EGFL7: variants seen among roughly 807,000 people sequenced by gnomAD.
EGFL7 encodes the protein EGF like domain multiple 7, also known as epidermal growth factor-like protein 7.
Under a neutral mutation model 37.1 loss-of-function variants are expected in EGFL7, and 48 were observed. That is an observed-to-expected ratio of 1.29 (90% confidence interval 1.03 to 1.65). The LOEUF (loss-of-function observed/expected upper bound fraction) is 1.65, where lower values mean the gene tolerates loss of function less well. EGFL7 is among the 40% of genes most tolerant of loss of function. EGFL7 has a pLI of 0.00. For synonymous variants in EGFL7, 180 were observed against 156.8 expected (o/e 1.15, Z -1.10); for missense variants, 384 against 378.9 (o/e 1.01, Z -0.11).
chr9:136,672,146 G>T, intron 10 of EGFL7, 58 bp downstream of exon 10: 1 of 1,575,330 alleles, frequency 6.3e-7, no homozygotes, highest in South Asian at 1.1e-5. Context: ...TGGGCCTAGA[G>T]GGGCTACCCA....
intron 9 of EGFL7, among the ~76,000 whole-genome samples, chr9:136,671,567 GC>G (rs1010704256): frequency 3.3e-5 from 5 of 151,342 alleles, no homozygotes; most frequent in East Asian, 3.9e-4. Flanking sequence ...AAGCTTGACA[GC>G]CCCCCAGACA....
intron 6 of EGFL7, 24 bp from the exon 7 acceptor site, chr9:136,669,890 G>T: frequency 6.4e-7 from 1 of 1,558,700 alleles, no homozygotes; most frequent in Non-Finnish European, 8.7e-7. Context: ...AACTGAGCTG[G>T]TGACCAGCCT....
rs1039385169 is a variant in EGFL7, at chr9:136,670,855, C to G, written c.572-95C>G. 2.6e-5 allele frequency: 32 copies of G among 1,234,962 alleles called. No individual in the cohort carries two copies. In the African/African-American group the frequency reaches 4.8e-4, roughly 19 times the overall value. 76.5% of individuals were successfully genotyped at this position (1,234,962 alleles called of 1,614,324 possible). A position where few individuals can be genotyped will look rare whatever the true frequency, so the allele number is the denominator to read the frequency against. On this transcript the variant is annotated intron_variant, in intron 8 of 10. Transcript: ENST00000308874. ...GGGCGGCAGAGGCCTGGGCCTGAGTCTTCTGGCTCTGCCTCTCCCTGGGGA... is the reference window on the plus strand; with the variant it reads ...GGGCGGCAGAGGCCTGGGCCTGAGTGTTCTGGCTCTGCCTCTCCCTGGGGA...
chr9:136,668,763 C>T, intron 5 of EGFL7, 90 bp downstream of exon 5: 1 of 1,172,286 alleles, frequency 8.5e-7, no homozygotes, highest in African/African-American at 1.5e-5. Flanking sequence ...GGGGTGAATC[C>T]TGGGACCCAA....
chr9:136,669,764 T>C (rs368569252), intron 6 of EGFL7, 43 bp downstream of exon 6: 88 of 1,493,320 alleles, frequency 5.9e-5, no homozygotes, highest in Non-Finnish European at 7.7e-5. Context: ...GGAGGGCGAC[T>C]GTTCCCCAAT....
chr9:136,667,473 A>C (rs1291118185), intron 3 of EGFL7, among the ~76,000 whole-genome samples: 2 of 152,158 alleles, frequency 1.3e-5, no homozygotes, highest in Non-Finnish European at 2.9e-5. Flanking sequence ...TCATGCTCTC[A>C]GGAAGCCTCA....
At chr9:136,670,813 C>T (rs929336594) in intron 8 of EGFL7, 137 bp from the exon 9 acceptor site, 17 of 862,308 alleles carry the variant, frequency 2.0e-5, no homozygotes, top group Admixed American at 6.6e-5. Flanking sequence ...CTCTGGCCAG[C>T]GCCAGGCAGG....
chr9:136,668,149 G>A (rs1279087744), intron 3 of EGFL7, 92 bp from the exon 4 acceptor site: 4 of 702,050 alleles, frequency 5.7e-6, no homozygotes, highest in African/African-American at 3.6e-5. Flanking sequence ...CAGCGGAGAT[G>A]AGCTGGGCAG....
At chr9:136,671,784 C>T (rs1344528289) in intron 9 of EGFL7, 142 bp from the exon 10 acceptor site, 1 of 1,142,148 alleles carries the variant, frequency 8.8e-7, no homozygotes, top group South Asian at 1.8e-5. Context: ...CCACGGCAGC[C>T]CCCTCTAGTG....
At chr9:136,667,312 G>A (rs1056280719) in intron 3 of EGFL7, among the ~76,000 whole-genome samples, 1 of 152,216 alleles carries the variant, frequency 6.6e-6, no homozygotes, top group Non-Finnish European at 1.5e-5. Context: ...TGCCTCGGAA[G>A]GAACCCACCC....
chr9:136,672,092 A>G lies in EGFL7; in HGVS notation c.799+4A>G, dbSNP rs1294912476. 1 of 1,547,150 alleles carries G rather than the reference A, an allele frequency of 6.5e-7. No homozygotes were observed. The highest frequency in any genetic ancestry group is 1.2e-5 in the South Asian group (1 of 84,100). On this transcript the variant is annotated splice_donor_region_variant and intron_variant, in intron 10 of 10. Coordinates refer to ENST00000308874, the MANE Select transcript of EGFL7 (RefSeq NM_016215.5). ...CTGGAGGAGCAGCTGGGGTCCTGTG[A>G]GTGCCCCCACCCTCCAGAGCCCTCC...
chr9:136,672,361 G>T lies in EGFL7; in HGVS notation c.*75G>T, dbSNP rs1004052368. ...CCCATGCCCCTGCCCAACATGCTGGGGGTCCAGAAACCACCTCGGGGTGAC... is the reference window on the plus strand; with the variant it reads ...CCCATGCCCCTGCCCAACATGCTGGTGGTCCAGAAACCACCTCGGGGTGAC... On this transcript the variant is annotated 3_prime_UTR_variant, in exon 11 of 11. Transcript: ENST00000308874. 52 of 1,596,736 alleles carry T rather than the reference G, an allele frequency of 3.3e-5. No homozygotes were observed. The South Asian group carries it at 5.3e-4, about 16-fold the overall frequency.
At chr9:136,665,195 C>A (rs1212205218) in intron 3 of EGFL7, among the ~76,000 whole-genome samples, 2 of 152,140 alleles carry the variant, frequency 1.3e-5, no homozygotes, top group Admixed American at 1.3e-4. Flanking sequence ...AGGTGGGGGC[C>A]GGCGCAGGGG....
At chr9:136,665,695 T>C (rs1290856525) in intron 3 of EGFL7, 1 of 31,032 alleles carries the variant, frequency 3.2e-5, no homozygotes. Flanking sequence ...GTCTGCGCAA[T>C]GGGGGCGGGG....
chr9:136,668,171 C>A, intron 3 of EGFL7, 70 bp from the exon 4 acceptor site: 1 of 885,932 alleles, frequency 1.1e-6, no homozygotes, highest in Non-Finnish European at 1.7e-6. Context: ...CCTCGCGGAG[C>A]AAGTGCAAAC....
At chr9:136,667,836 C>A (rs1205019599) in intron 3 of EGFL7, among the ~76,000 whole-genome samples, 1 of 152,176 alleles carries the variant, frequency 6.6e-6, no homozygotes, top group African/African-American at 2.4e-5. Context: ...CCACGAACAC[C>A]CCGTTTGCAT....
At chr9:136,661,528 G>A (rs186640290), upstream of EGFL7, among the ~76,000 whole-genome samples, 1 of 152,156 alleles carries the variant, frequency 6.6e-6, no homozygotes, top group Admixed American at 6.5e-5. Context: ...AGCGGTGCCT[G>A]GGTGCCAGGA....
Position 136,668,279 on chromosome 9 carries a change from G to A in EGFL7, c.-4G>A. 1 of 1,603,282 alleles carries A rather than the reference G, an allele frequency of 6.2e-7. No homozygotes were observed. The highest frequency in any genetic ancestry group is 8.5e-7 in the Non-Finnish European group (1 of 1,175,454). ...GAAGGCCACCCCGCCTGGAGGCACA[G>A]GCCATGAGGGGCTCTCAGGAGGTGC... On this transcript the variant is annotated 5_prime_UTR_variant, in exon 4 of 11. Coordinates refer to ENST00000308874, the MANE Select transcript of EGFL7 (RefSeq NM_016215.5).
At chr9:136,659,789 C>T (rs542720945), upstream of EGFL7, among the ~76,000 whole-genome samples, 17 of 152,362 alleles carry the variant, frequency 1.1e-4, no homozygotes, top group East Asian at 5.8e-4. Context: ...CTGCCCCTGC[C>T]GGGCCTCCAC....
Sources: allele counts gnomAD v4.1 joint callset (sites outside exome capture counted in the v4.1 genomes callset), GRCh38; gene constraint gnomAD v4.1.1; transcripts MANE v1.5; gene names NCBI Gene and HGNC (gene_info 2026-07-23, HGNC 2026-07-21).